GRM7: variants seen among roughly 807,000 people sequenced by gnomAD.
GRM7 encodes the protein glutamate metabotropic receptor 7.
Under a neutral mutation model 84.5 loss-of-function variants are expected in GRM7, and 35 were observed. The ratio of observed to expected loss-of-function variants is 0.41; its 90% CI spans 0.32 to 0.55. The LOEUF (loss-of-function observed/expected upper bound fraction) is 0.55, where lower values mean the gene tolerates loss of function less well. Ranked by LOEUF, GRM7 falls within the 20% of genes least tolerant of loss-of-function variation. The pLI is 0.19. For synonymous variants in GRM7, 487 were observed against 455.1 expected (o/e 1.07, Z -0.89); for missense variants, 1,003 against 1,194.6 (o/e 0.84, Z 2.36).
intron 1 of GRM7, among the ~76,000 whole-genome samples, chr3:7,140,028 G>A (rs1693896751): frequency 6.6e-6 from 1 of 151,916 alleles, no homozygotes; most frequent in African/African-American, 2.4e-5. Flanking sequence ...CTTCAAAGGA[G>A]ACCTACAAAT....
intron 9 of GRM7, among the ~76,000 whole-genome samples, chr3:7,729,159 G>A (rs975523045): frequency 2.6e-5 from 4 of 151,644 alleles, no homozygotes; most frequent in Non-Finnish European, 4.4e-5. Context: ...AAATTGATTG[G>A]TAACCCCAAC....
intron 2 of GRM7, among the ~76,000 whole-genome samples, chr3:7,227,617 CAT>C (rs1697024755): frequency 6.6e-6 from 1 of 152,128 alleles, no homozygotes; most frequent in Non-Finnish European, 1.5e-5. Flanking sequence ...AAATGGTAAA[CAT>C]AAAGTGCTTA....
At chr3:6,947,818 C>G (rs1456209953) in intron 1 of GRM7, among the ~76,000 whole-genome samples, 1 of 152,296 alleles carries the variant, frequency 6.6e-6, no homozygotes, top group East Asian at 1.9e-4. Context: ...TGCATTTCTT[C>G]TAGATTTTCT....
intron 4 of GRM7, among the ~76,000 whole-genome samples, chr3:7,321,789 C>A (rs9840575): frequency 6.6e-6 from 1 of 151,928 alleles, no homozygotes; most frequent in African/African-American, 2.4e-5. Context: ...CTACATAAGC[C>A]AAGTGAAGCA....
At chr3:7,022,602 T>A (rs1177642074) in intron 1 of GRM7, among the ~76,000 whole-genome samples, 1 of 152,114 alleles carries the variant, frequency 6.6e-6, no homozygotes, top group East Asian at 1.9e-4. Context: ...TAAGTATATA[T>A]ATTAATATGT....
intron 4 of GRM7, among the ~76,000 whole-genome samples, chr3:7,388,818 T>G (rs1001695679): frequency 6.6e-6 from 1 of 152,110 alleles, no homozygotes; most frequent in Non-Finnish European, 1.5e-5. Context: ...TCAATCTTGT[T>G]TATACTTTTA....
intron 8 of GRM7, among the ~76,000 whole-genome samples, chr3:7,629,688 C>T (rs183229547): frequency 7.2e-5 from 11 of 152,288 alleles, no homozygotes; most frequent in Admixed American, 1.3e-4. Context: ...AAGTATCACA[C>T]GGACCAGGTA....
At chr3:7,439,633 C>A (rs908448759) in intron 5 of GRM7, among the ~76,000 whole-genome samples, 8 of 152,106 alleles carry the variant, frequency 5.3e-5, no homozygotes, top group East Asian at 1.9e-4. Context: ...CTGTATTATT[C>A]TTTGTTGTTT....
At position 6,928,593 on chromosome 3, in the gene GRM7, G is replaced by A. The variant is rs1004257421; in HGVS notation, c.519+66686G>A. ...GTAATTAATAACATTTAGATAGGGG[G>A]AAAATAAGTTTTTCTCAACTTTTTC... On this transcript the variant is annotated intron_variant, in intron 1 of 9. Coordinates refer to ENST00000357716, the MANE Select transcript of GRM7 (RefSeq NM_000844.4). The surrounding 1 kb of genome is among the most constrained non-coding windows in gnomAD (Gnocchi z 4.5). Among the ~76,000 whole-genome samples the A allele has an allele frequency of 1.3e-5, 2 of 152,074 alleles. No homozygotes were observed. The highest frequency in any genetic ancestry group is 3.9e-4 in the East Asian group (2 of 5,190).
chr3:7,073,022 A>G (rs546151401), intron 1 of GRM7, among the ~76,000 whole-genome samples: 148 of 152,316 alleles, frequency 9.7e-4, no homozygotes, highest in Admixed American at 4.4e-3. Flanking sequence ...CCCTATATTA[A>G]GTAACCTTTA....
At chr3:7,061,150 A>G (rs1327026749) in intron 1 of GRM7, among the ~76,000 whole-genome samples, 6 of 151,818 alleles carry the variant, frequency 4.0e-5, no homozygotes, top group African/African-American at 1.4e-4. Flanking sequence ...TTTGGGGTAT[A>G]TAAGATAAAT....
chr3:7,060,186 T>C (rs1697385560), intron 1 of GRM7, among the ~76,000 whole-genome samples: 1 of 151,868 alleles, frequency 6.6e-6, no homozygotes, highest in Non-Finnish European at 1.5e-5. Flanking sequence ...TGAGTTAATT[T>C]TTCAAGTATC....
intron 7 of GRM7, among the ~76,000 whole-genome samples, chr3:7,532,214 C>G (rs1701064698): frequency 6.6e-6 from 1 of 152,070 alleles, no homozygotes; most frequent in Admixed American, 6.6e-5. Context: ...CTCTTTGTAC[C>G]TCTGGTAGAA....
intron 3 of GRM7, among the ~76,000 whole-genome samples, chr3:7,299,443 A>T (rs2125022792): frequency 6.6e-6 from 1 of 152,298 alleles, no homozygotes; most frequent in African/African-American, 2.4e-5. Flanking sequence ...CCTTATTTTT[A>T]GAATTTTTAG....
intron 1 of GRM7, among the ~76,000 whole-genome samples, chr3:7,020,340 T>C (rs1695731592): frequency 6.6e-6 from 1 of 152,114 alleles, no homozygotes; most frequent in African/African-American, 2.4e-5. Context: ...CAAGGATTGT[T>C]TGGAGTTAGG....
chr3:7,136,843 C>T (rs1049184177), intron 1 of GRM7, among the ~76,000 whole-genome samples: 8 of 152,064 alleles, frequency 5.3e-5, no homozygotes, highest in Non-Finnish European at 1.2e-4. Context: ...AGGGTAAATA[C>T]TCTCAAGGAA....
intron 8 of GRM7, among the ~76,000 whole-genome samples, chr3:7,593,840 T>C (rs539680131): frequency 6.6e-6 from 1 of 152,066 alleles, no homozygotes; most frequent in Admixed American, 6.6e-5. Flanking sequence ...AAGAAAACTG[T>C]GGAGAAGCAA....
chr3:7,299,703 T>C (rs1177931793), intron 3 of GRM7, among the ~76,000 whole-genome samples: 2 of 151,860 alleles, frequency 1.3e-5, no homozygotes, highest in Non-Finnish European at 2.9e-5. Flanking sequence ...TTATTTATCA[T>C]TTTATCATGG....
chr3:7,247,000 C>T (rs1054015239), intron 2 of GRM7, among the ~76,000 whole-genome samples: 4 of 152,032 alleles, frequency 2.6e-5, no homozygotes, highest in South Asian at 2.1e-4. Context: ...AATTCAGAAA[C>T]AGACCAAACA....
Sources: allele counts gnomAD v4.1 joint callset (sites outside exome capture counted in the v4.1 genomes callset), GRCh38; gene constraint gnomAD v4.1.1; non-coding constraint Gnocchi (gnomAD v3.1); transcripts MANE v1.5; gene names NCBI Gene and HGNC (gene_info 2026-07-23, HGNC 2026-07-21).